NHS: variants seen among roughly 807,000 people sequenced by gnomAD.
NHS encodes the protein actin remodeling regulator NHS.
NHS carries 5 observed loss-of-function variants against 72.5 expected under a neutral mutation model. The ratio of observed to expected loss-of-function variants is 0.07; its 90% confidence interval spans 0.04 to 0.14. NHS has a LOEUF of 0.14. NHS is among the 10% of genes least tolerant of loss of function. The pLI is 1.00. For synonymous variants in NHS, 464 were observed against 547.7 expected (o/e 0.85, Z 2.13); for missense variants, 1,072 against 1,355.7 (o/e 0.79, Z 3.29).
At chrX:17,515,381 T>TATAG (rs2065114453) in intron 1 of NHS, among the ~76,000 whole-genome samples, 1 of 112,220 alleles carries the variant, frequency 8.9e-6, no homozygotes, top group African/African-American at 3.2e-5. Flanking sequence ...GGATAAATGG[T>TATAG]GATTCAACTG....
Position 17,724,361 on chromosome X carries a change from C to G in NHS, c.1171C>G (p.Gln391Glu). Reference protein sequence around the residue: ...CSLVHSQSVLQRRRKLRRRKT... With the variant: ...CSLVHSQSVLERRRKLRRRKT... The stretch of plus-strand genomic sequence containing the variant: ...TCTGGTTCATTCACAATCGGTACTA[C>G]AGCGGAGACGAAAATTGAGGAGGAG... Residue 391 changes from glutamine (Q) to glutamate (E), a missense_variant, in exon 6 of 9, where the codon CAG becomes GAG. By Grantham distance (29) the Gln-to-Glu change is conservative. Transcript: ENST00000676302. 3 of 1,211,791 alleles carry G rather than the reference C, an allele frequency of 2.5e-6. No homozygotes were observed. Among genetic ancestry groups the G allele is most frequent in the Non-Finnish European group, 3.4e-6 (3 of 895,452 alleles).
chrX:17,445,280 A>G (rs764225620), intron 1 of NHS, among the ~76,000 whole-genome samples: 19 of 112,125 alleles, frequency 1.7e-4, no homozygotes, highest in Non-Finnish European at 3.0e-4. Flanking sequence ...CCTAAGTACA[A>G]CTAGAAACCC....
At chrX:17,694,461 A>G (rs1458111091) in intron 3 of NHS, among the ~76,000 whole-genome samples, 1 of 112,137 alleles carries the variant, frequency 8.9e-6, no homozygotes, top group African/African-American at 3.2e-5. Context: ...CTCTCCTTTC[A>G]TGTTTGAGAT....
Position 17,719,372 on chromosome X carries a change from C to A in NHS, c.881C>A (p.Thr294Asn), listed in dbSNP as rs2066391905. The change falls in exon 4 of 9, where the codon ACT (threonine) becomes AAT (asparagine). Residue 294 changes from threonine (T) to asparagine (N), a missense_variant. Thr to Asn is a moderately conservative substitution (Grantham distance 65). Coordinates refer to ENST00000676302, the MANE Select transcript of NHS (RefSeq NM_001291867.2). ...AACAGCACCCGTTCGCCCTCCCCCA[C>A]TGAATGTTGCCACATGACCCCGTGG... ...TFNSTRSPSPTECCHMTPWSR... is the reference protein window; with the variant it reads ...TFNSTRSPSPNECCHMTPWSR... 2 of 1,165,154 alleles carry A rather than the reference C, an allele frequency of 1.7e-6. No homozygotes were observed. Among genetic ancestry groups the A allele is most frequent in the Non-Finnish European group, 2.3e-6 (2 of 872,274 alleles).
chrX:17,463,871 T>A lies in NHS; in HGVS notation c.565+87549T>A, dbSNP rs185180671. ...CCTGATCGAATGCTGATAGACTGAG[T>A]GGGGAAACCCAGCAAGGCCTGTCTG... is the stretch of plus-strand genomic sequence containing the variant. On this transcript the variant is annotated intron_variant, in intron 1 of 8. Coordinates refer to ENST00000676302, the MANE Select transcript of NHS (RefSeq NM_001291867.2). Among the ~76,000 whole-genome samples, 703 of 111,661 alleles carry A rather than the reference T, an allele frequency of 6.3e-3. 11 individuals carry two copies. The highest frequency in any genetic ancestry group is 0.022 in the African/African-American group (676 of 30,744).
At chrX:17,547,354 C>T (rs928449062) in intron 1 of NHS, among the ~76,000 whole-genome samples, 1 of 111,974 alleles carries the variant, frequency 8.9e-6, no homozygotes, top group Non-Finnish European at 1.9e-5. Context: ...TGGATACCCC[C>T]TTTTTTCGTG....
chrX:17,505,685 C>G (rs760189789), intron 1 of NHS, among the ~76,000 whole-genome samples: 1 of 109,145 alleles, frequency 9.2e-6, no homozygotes, highest in East Asian at 2.9e-4. Context: ...GTGACTTGCC[C>G]GAGCCAAGCA....
At chrX:17,703,100 T>C (rs890081222) in intron 3 of NHS, among the ~76,000 whole-genome samples, 1 of 109,751 alleles carries the variant, frequency 9.1e-6, no homozygotes, top group Non-Finnish European at 1.9e-5. Flanking sequence ...GAGACCTCTG[T>C]CTATAAGAAA....
chrX:17,615,502 C>T (rs1327642547), intron 1 of NHS, among the ~76,000 whole-genome samples: 1 of 107,918 alleles, frequency 9.3e-6, no homozygotes, highest in Non-Finnish European at 1.9e-5. Context: ...CCTACCTCGG[C>T]CTCCCAAAGT....
chrX:17,706,408 T>C (rs1380336819), intron 3 of NHS, among the ~76,000 whole-genome samples: 3 of 110,774 alleles, frequency 2.7e-5, no homozygotes, highest in Non-Finnish European at 3.8e-5. Context: ...GCTTTTCCAT[T>C]AGGAAAAGAT....
intron 1 of NHS, among the ~76,000 whole-genome samples, chrX:17,605,551 A>G (rs2065674479): frequency 9.0e-6 from 1 of 111,085 alleles, no homozygotes. Flanking sequence ...TGGGTCAGCC[A>G]CCTCAGCCCC....
rs766662277 is a variant in NHS at position 17,521,366 on chromosome X, C to CTTTTTTTTTTTTTTTTTTTTTTT, written c.565+145057_565+145058insTTTTTTTTTTTTTTTTTTTTTTT. On this transcript the variant is annotated intron_variant, in intron 1 of 8. Coordinates refer to ENST00000676302, the MANE Select transcript of NHS (RefSeq NM_001291867.2). ...AGTTCTACCTTTTTCTCCCTTCCCT[C>CTTTTTTTTTTTTTTTTTTTTTTT]TTTTTTTTTTTTTGAGACAGGGTCT... Among the ~76,000 whole-genome samples the CTTTTTTTTTTTTTTTTTTTTTTT allele has an allele frequency of 1.7e-3, 167 of 97,265 alleles. 8 individuals are homozygous for CTTTTTTTTTTTTTTTTTTTTTTT. Among genetic ancestry groups the CTTTTTTTTTTTTTTTTTTTTTTT allele is most frequent in the African/African-American group, 6.9e-3 (160 of 23,086 alleles). The allele number at this position is 97,265 out of a possible 115,157, so 84.5% of individuals were successfully genotyped here.
rs942077516 is a variant in NHS at position 17,375,408 on chromosome X, G to A, written c.-350G>A. On this transcript the variant is annotated 5_prime_UTR_variant, in exon 1 of 9. Transcript: ENST00000676302. Reference sequence around the variant, plus strand: ...GCCCATTTATATAGGCGGCGGCGACGGCAGTGGCCGGGGTGGCGACGGCGA... The same window carrying A: ...GCCCATTTATATAGGCGGCGGCGACAGCAGTGGCCGGGGTGGCGACGGCGA... 1.0e-5 allele frequency: 4 copies of A among 384,056 alleles called. No individual in the cohort carries two copies. Among genetic ancestry groups the A allele is most frequent in the Non-Finnish European group, 1.3e-5 (3 of 224,485 alleles). 31.7% of individuals were successfully genotyped at this position (384,056 alleles called of 1,213,427 possible). A position where few individuals can be genotyped will look rare whatever the true frequency, so the allele number is the denominator to read the frequency against.
chrX:17,433,219 T>G (rs1171094475), intron 1 of NHS, among the ~76,000 whole-genome samples: 7 of 97,354 alleles, frequency 7.2e-5, no homozygotes, highest in Non-Finnish European at 1.4e-4. Flanking sequence ...TTTTTTTTTT[T>G]TTTGTATTTT....
At chrX:17,412,621 G>A (rs780072316) in intron 1 of NHS, among the ~76,000 whole-genome samples, 1 of 111,071 alleles carries the variant, frequency 9.0e-6, no homozygotes, top group Non-Finnish European at 1.9e-5. Context: ...GAGAGAGAGA[G>A]AAAACAAAGG....
intron 1 of NHS, among the ~76,000 whole-genome samples, chrX:17,488,413 G>A (rs2146914618): frequency 9.0e-6 from 1 of 111,220 alleles, no homozygotes; most frequent in African/African-American, 3.3e-5. Flanking sequence ...ATGTCCTGCA[G>A]CTACAGGCAG....
chrX:17,544,065 T>C (rs2065277597), intron 1 of NHS, among the ~76,000 whole-genome samples: 1 of 112,733 alleles, frequency 8.9e-6, no homozygotes, highest in Non-Finnish European at 1.9e-5. Flanking sequence ...AGTCTGTCCA[T>C]AGCCTATAAC....
chrX:17,401,363 A>G (rs2064502362), intron 1 of NHS, among the ~76,000 whole-genome samples: 1 of 112,561 alleles, frequency 8.9e-6, no homozygotes, highest in Non-Finnish European at 1.9e-5. Context: ...TACAAGTGAC[A>G]AAAGAAAAAA....
intron 1 of NHS, among the ~76,000 whole-genome samples, chrX:17,499,195 A>G (rs750474126): frequency 4.6e-4 from 51 of 110,837 alleles, no homozygotes; most frequent in Admixed American, 8.6e-4. Context: ...TCTGGGTCCT[A>G]TGGTTGGCTA....
Sources: allele counts gnomAD v4.1 joint callset (sites outside exome capture counted in the v4.1 genomes callset), GRCh38; gene constraint gnomAD v4.1.1; transcripts MANE v1.5; gene names NCBI Gene and HGNC (gene_info 2026-07-23, HGNC 2026-07-21).